The following COL23A1 variants were observed in gnomAD, a reference collection of about 807,000 sequenced individuals.
COL23A1 encodes collagen type XXIII alpha 1 chain.
A neutral mutation model predicts 99.3 loss-of-function variants in COL23A1; 97 were observed. The observed-to-expected ratio is 0.98, with a 90% CI of 0.83 to 1.16. The LOEUF (loss-of-function observed/expected upper bound fraction) is 1.16, where lower values mean the gene tolerates loss of function less well. Ranked by LOEUF, COL23A1 falls within the 50% of genes most tolerant of loss-of-function variation. COL23A1 has a pLI of 0.00. For synonymous variants in COL23A1, 320 were observed against 308.2 expected (o/e 1.04, Z -0.40); for missense variants, 762 against 757.4 (o/e 1.01, Z -0.07).
chr5:178,548,049 A>C (rs1581614963), intron 2 of COL23A1, among the ~76,000 whole-genome samples: 1 of 16,796 alleles, frequency 6.0e-5, no homozygotes, highest in Non-Finnish European at 1.1e-4. Flanking sequence ...CCCCACACCC[A>C]CACACACATA....
chr5:178,417,294 CAT>C (rs1479798856), intron 2 of COL23A1, among the ~76,000 whole-genome samples: 2 of 152,232 alleles, frequency 1.3e-5, no homozygotes, highest in African/African-American at 2.4e-5. Flanking sequence ...GACATGCACA[CAT>C]GTGTGCACAC....
At chr5:178,547,310 G>A (rs983358987) in intron 2 of COL23A1, among the ~76,000 whole-genome samples, 1 of 151,944 alleles carries the variant, frequency 6.6e-6, no homozygotes, top group Non-Finnish European at 1.5e-5. Context: ...CTCTATGACC[G>A]GCAGTGAGAA....
intron 27 of COL23A1, 115 bp from the exon 28 acceptor site, chr5:178,239,294 C>G: frequency 8.5e-7 from 1 of 1,171,466 alleles, no homozygotes; most frequent in Non-Finnish European, 1.3e-6. Flanking sequence ...CCATGTGAGA[C>G]TGCTGGGCCC....
rs115708845 is a variant in COL23A1 at position 178,567,914 on chromosome 5, C to T, written c.295-7166G>A. ...ATATATGTAAATACTTCCCTCTTCC[C>T]GGAGGTGAAGCTAACTTCCCCTCCC... is the stretch of plus-strand genomic sequence containing the variant. On this transcript the variant is annotated intron_variant, in intron 1 of 28. Transcript: ENST00000390654. Among the ~76,000 whole-genome samples the T allele has an allele frequency of 2.8e-3, 426 of 152,248 alleles. 4 individuals are homozygous for T. The highest frequency in any genetic ancestry group is 9.7e-3 in the African/African-American group (403 of 41,548).
At chr5:178,392,707 G>A (rs1450459296) in intron 2 of COL23A1, among the ~76,000 whole-genome samples, 1 of 152,198 alleles carries the variant, frequency 6.6e-6, no homozygotes, top group Non-Finnish European at 1.5e-5. Context: ...GGCCGGCTCA[G>A]CTTTTCACCA....
At position 178,262,121 on chromosome 5, in the gene COL23A1, C is replaced by A. The variant is rs1480099020; in HGVS notation, c.675+96G>T. ...GCGCGCACACACATAAACATGTGCG[C>A]GTGACCCTGCTGTCGGCGTGTGTGG... On this transcript the variant is annotated intron_variant, in intron 10 of 28. Coordinates refer to ENST00000390654, the MANE Select transcript of COL23A1 (RefSeq NM_173465.4). 4 of 1,316,926 alleles carry A rather than the reference C, an allele frequency of 3.0e-6. No individual in the cohort carries two copies. The Admixed American group carries it at 5.9e-5, about 20-fold the overall frequency. 81.6% of individuals were successfully genotyped at this position (1,316,926 alleles called of 1,614,324 possible).
intron 2 of COL23A1, among the ~76,000 whole-genome samples, chr5:178,317,391 C>A (rs1305516840): frequency 6.6e-6 from 1 of 152,232 alleles, no homozygotes; most frequent in Admixed American, 6.5e-5. Context: ...CCCTGAGTTG[C>A]TTTTCTAAAA....
chr5:178,314,247 C>T (rs921256127), intron 2 of COL23A1, among the ~76,000 whole-genome samples: 4 of 152,190 alleles, frequency 2.6e-5, no homozygotes, highest in Admixed American at 2.0e-4. Flanking sequence ...GAGTCATCTT[C>T]CACCATCCAT....
chr5:178,246,347 C>A (rs1226101445), intron 23 of COL23A1, 40 bp from the exon 24 acceptor site: 1 of 1,561,808 alleles, frequency 6.4e-7, no homozygotes, highest in Admixed American at 1.9e-5. Context: ...ATGCTAGTGA[C>A]AGGAATTAAC....
intron 3 of COL23A1, among the ~76,000 whole-genome samples, chr5:178,302,856 T>C (rs992229721): frequency 1.3e-5 from 2 of 152,178 alleles, no homozygotes; most frequent in East Asian, 1.9e-4. Context: ...AAGCCTTGGG[T>C]ATGGTGCTTT....
chr5:178,357,289 TG>T (rs1761709662), intron 2 of COL23A1, among the ~76,000 whole-genome samples: 1 of 152,166 alleles, frequency 6.6e-6, no homozygotes, highest in African/African-American at 2.4e-5. Context: ...CACAGGCTTC[TG>T]GTCTGTCCAC....
intron 2 of COL23A1, among the ~76,000 whole-genome samples, chr5:178,500,776 C>G (rs1238887553): frequency 6.6e-6 from 1 of 151,996 alleles, no homozygotes; most frequent in Non-Finnish European, 1.5e-5. Flanking sequence ...GAGATTCTCT[C>G]TCTAAACTTG....
intron 2 of COL23A1, among the ~76,000 whole-genome samples, chr5:178,400,984 G>A (rs1764417220): frequency 6.6e-6 from 1 of 152,166 alleles, no homozygotes; most frequent in African/African-American, 2.4e-5. Flanking sequence ...CTGTACCCAT[G>A]AAACACTAAC....
intron 2 of COL23A1, among the ~76,000 whole-genome samples, chr5:178,557,451 C>G (rs2113532945): frequency 6.6e-6 from 1 of 152,328 alleles, no homozygotes; most frequent in South Asian, 2.1e-4. Flanking sequence ...AGAGCCAGCT[C>G]AGGGCCCCCC....
At position 178,415,508 on chromosome 5, in the gene COL23A1, C is replaced by T. The variant is rs543621238; in HGVS notation, c.362-108589G>A. On this transcript the variant is annotated intron_variant, in intron 2 of 28. Coordinates refer to ENST00000390654, the MANE Select transcript of COL23A1 (RefSeq NM_173465.4). The surrounding 1 kb of genome is among the most constrained non-coding windows in gnomAD (Gnocchi z 4.6). The stretch of plus-strand genomic sequence containing the variant: ...GCTTGCTGCTGCCAGCCGGCCTCCA[C>T]GAACACTTCTACTGTCTCCTGACCT... Among the ~76,000 whole-genome samples the T allele has an allele frequency of 2.0e-5, 3 of 152,306 alleles. No individual in the cohort carries two copies. The highest frequency in any genetic ancestry group is 1.9e-4 in the East Asian group (1 of 5,176).
chr5:178,330,042 C>A (rs1353875560), intron 2 of COL23A1, among the ~76,000 whole-genome samples: 4 of 152,126 alleles, frequency 2.6e-5, no homozygotes, highest in African/African-American at 9.7e-5. Flanking sequence ...GTTGAAAGAT[C>A]CAGGCGGCGG....
rs768091966 is a variant in COL23A1 at position 178,399,907 on chromosome 5, T to C, written c.362-92988A>G. Among the ~76,000 whole-genome samples the C allele has an allele frequency of 3.3e-5, 5 of 152,184 alleles. No individual in the cohort carries two copies. The East Asian group carries it at 9.6e-4, about 29-fold the overall frequency. On this transcript the variant is annotated intron_variant, in intron 2 of 28. Transcript: ENST00000390654. ...TCTCATTCCCTTCGGCTCATCTGTCTCCGGATCCACCCGCGTCCATGCCTA... is the reference window on the plus strand; with the variant it reads ...TCTCATTCCCTTCGGCTCATCTGTCCCCGGATCCACCCGCGTCCATGCCTA...
intron 2 of COL23A1, among the ~76,000 whole-genome samples, chr5:178,346,290 T>C (rs539036258): frequency 3.9e-5 from 6 of 152,190 alleles, no homozygotes; most frequent in East Asian, 1.9e-4. Context: ...CTGGAGTGCA[T>C]TGGTGCGATC....
At position 178,589,827 on chromosome 5, in the gene COL23A1, G is replaced by T; in HGVS notation, c.294+77C>A. 1 of 1,205,666 alleles carries T rather than the reference G, an allele frequency of 8.3e-7. No individual in the cohort carries two copies. Among genetic ancestry groups the T allele is most frequent in the Non-Finnish European group, 1.0e-6 (1 of 962,666 alleles). 74.7% of individuals were successfully genotyped at this position (1,205,666 alleles called of 1,614,324 possible). On this transcript the variant is annotated intron_variant, in intron 1 of 28. Coordinates refer to ENST00000390654, the MANE Select transcript of COL23A1 (RefSeq NM_173465.4). The surrounding 1 kb of genome is among the most constrained non-coding windows in gnomAD (Gnocchi z 5.4). Reference sequence around the variant, plus strand: ...CCCTCCTCCCAGAGACCTGCACGCTGCCCCCGGCTCCCAGCGTACCGCCAC... The same window carrying T: ...CCCTCCTCCCAGAGACCTGCACGCTTCCCCCGGCTCCCAGCGTACCGCCAC...
Sources: gnomAD v4.1 joint callset for allele counts (sites outside exome capture counted in the v4.1 genomes callset) on GRCh38, gnomAD v4.1.1 for gene constraint, Gnocchi (gnomAD v3.1) non-coding constraint, MANE v1.5 for transcripts, NCBI Gene and HGNC (gene_info 2026-07-23, HGNC 2026-07-21) for gene names.